The following RIPK4 variants were observed in gnomAD, a reference collection of about 807,000 sequenced individuals.
RIPK4 encodes receptor interacting serine/threonine kinase 4, also known as receptor-interacting serine/threonine-protein kinase 4.
In RIPK4, 17 loss-of-function variants were observed where a neutral mutation model predicts 42.9. The ratio of observed to expected loss-of-function variants is 0.40; its 90% CI spans 0.27 to 0.59. RIPK4 has a LOEUF of 0.59. RIPK4 is among the 20% of genes least tolerant of loss of function. RIPK4 has a pLI of 0.47. For missense variants in RIPK4, 897 were observed against 1,104.4 expected, an observed-to-expected ratio of 0.81 and a Z score of 2.66; for synonymous variants, 498 against 499.1, an observed-to-expected ratio of 1.00 and a Z score of 0.03.
chr21:41,741,165 C>T lies in RIPK4; in HGVS notation c.2028G>A (p.Leu676=). 2.5e-6 allele frequency: 4 copies of T among 1,612,682 alleles called. No individual in the cohort carries two copies. Among genetic ancestry groups the T allele is most frequent in the Non-Finnish European group, 3.4e-6 (4 of 1,179,764 alleles). ...TGGCCAGGTGTCCGTTGCGGGCAGC[C>T]AGGTGCAGAGCGGTGTAGCCGTCTG... is the stretch of plus-strand genomic sequence containing the variant. The part of the protein sequence containing the change: ...MTSDGYTALH[L]AARNGHLATV... The change falls in exon 8 of 8, where the codon CTG becomes CTA. Residue 676 remains leucine, a synonymous_variant. Transcript: ENST00000332512.
Position 41,749,158 on chromosome 21 carries a change from A to T in RIPK4, c.669T>A (p.Phe223Leu), listed in dbSNP as rs755062712. 6.2e-7 allele frequency: 1 copy of T among 1,613,900 alleles called. No homozygotes were observed. The highest frequency in any genetic ancestry group is 8.5e-7 in the Non-Finnish European group (1 of 1,179,886). ...CTCAAAGACAGGTCCACTCACCTGC[A>T]AACGGCTTCTTCTGTGTGAGCACGC... ...IWGVLTQKKP[F>L]ADEKNILHIM... Residue 223 changes from phenylalanine to leucine, a missense_variant, in exon 4 of 8, where the codon TTT (phenylalanine) becomes TTA (leucine). By Grantham distance (22) the Phe-to-Leu change is conservative. Transcript: ENST00000332512.
At chr21:41,746,565 C>T (rs2061171964) in intron 5 of RIPK4, 48 bp downstream of exon 5, 1 of 1,600,998 alleles carries the variant, frequency 6.2e-7, no homozygotes, top group Non-Finnish European at 8.5e-7. Flanking sequence ...TCACCTCTGT[C>T]TCCTGTGACA....
chr21:41,755,889 C>T lies in RIPK4; in HGVS notation c.474+636G>A, dbSNP rs1601681899. Reference sequence around the variant, plus strand: ...AACACCTGCCAAGGCCCAGAGGCAACACTGGTTTTCAGTTACATTATCTCT... The same window carrying T: ...AACACCTGCCAAGGCCCAGAGGCAATACTGGTTTTCAGTTACATTATCTCT... On this transcript the variant is annotated intron_variant, in intron 2 of 7. Coordinates refer to ENST00000332512, the MANE Select transcript of RIPK4 (RefSeq NM_020639.3). The surrounding 1 kb of genome is among the most constrained non-coding windows in gnomAD (Gnocchi z 4.2). Among the ~76,000 whole-genome samples the T allele has an allele frequency of 6.6e-6, 1 of 152,382 alleles. No homozygotes were observed. The highest frequency in any genetic ancestry group is 1.9e-4 in the East Asian group (1 of 5,194).
At chr21:41,766,813 C>T in intron 1 of RIPK4, 47 bp downstream of exon 1, 2 of 1,569,192 alleles carry the variant, frequency 1.3e-6, no homozygotes, top group Non-Finnish European at 1.7e-6. Flanking sequence ...CGACCCCGAC[C>T]CCAGCCCGGG....
chr21:41,750,010 C>T (rs916565788), intron 3 of RIPK4, among the ~76,000 whole-genome samples: 5 of 151,872 alleles, frequency 3.3e-5, no homozygotes, highest in East Asian at 3.8e-4. Context: ...TTAGTTCAAA[C>T]GGCAGGTTCA....
chr21:41,744,242 G>C (rs935483741), intron 6 of RIPK4, 102 bp from the exon 7 acceptor site: 1 of 1,153,102 alleles, frequency 8.7e-7, no homozygotes, highest in African/African-American at 1.5e-5. Flanking sequence ...ACGGGAGGGA[G>C]ATGGGGGAGG....
At chr21:41,754,229 G>C (rs1351134158) in intron 2 of RIPK4, among the ~76,000 whole-genome samples, 2 of 152,146 alleles carry the variant, frequency 1.3e-5, no homozygotes, top group Non-Finnish European at 2.9e-5. Flanking sequence ...TCGTCTTCAG[G>C]AACAAAGGCG....
chr21:41,745,636 G>A (rs2061168225), intron 6 of RIPK4, 123 bp downstream of exon 6: 1 of 707,466 alleles, frequency 1.4e-6, no homozygotes. Flanking sequence ...GTTGGGTGCG[G>A]GATGGGCTCA....
chr21:41,750,880 G>A (rs1219273987), intron 3 of RIPK4, among the ~76,000 whole-genome samples: 9 of 152,142 alleles, frequency 5.9e-5, no homozygotes, highest in Non-Finnish European at 1.3e-4. Context: ...GTTTCACCAT[G>A]TTGCCCAGGC....
rs114381485 is a variant in RIPK4, at chr21:41,765,985, A to T, written c.182+875T>A. Among the ~76,000 whole-genome samples, 683 of 152,258 alleles carry T rather than the reference A, an allele frequency of 4.5e-3. 4 individuals are homozygous for T. The highest frequency in any genetic ancestry group is 0.016 in the African/African-American group (651 of 41,558). On this transcript the variant is annotated intron_variant, in intron 1 of 7. Transcript: ENST00000332512. ...ACACGGGCGGCTCTGCGTCCTTCCC[A>T]TTCGTCTTTGTTACCTTGAACACTC...
At chr21:41,748,756 G>C (rs146899311) in intron 4 of RIPK4, among the ~76,000 whole-genome samples, 228 of 152,326 alleles carry the variant, frequency 1.5e-3, no homozygotes, top group African/African-American at 5.2e-3. Context: ...TGGTTGCTGG[G>C]GCTTGAGCAG....
Position 41,756,645 on chromosome 21 carries a change from C to A in RIPK4, c.354G>T (p.Arg118=). The change falls in exon 2 of 8, where the codon CGG becomes CGT. Residue 118 remains arginine, a synonymous_variant. Transcript: ENST00000332512. ...LASEPLPWDL[R]FRIIHETAVG... is the part of the protein sequence containing the mutation. ...CCGCCGTCTCGTGGATGATTCGGAA[C>A]CGGAGATCCCATGGCAATGGCTCCG... is the stretch of plus-strand genomic sequence containing the variant. 2 of 1,614,118 alleles carry A rather than the reference C, an allele frequency of 1.2e-6. No individual in the cohort carries two copies. Among genetic ancestry groups the A allele is most frequent in the Non-Finnish European group, 1.7e-6 (2 of 1,180,048 alleles).
rs375766519 is a variant in RIPK4, at chr21:41,741,962, C to T, written c.1231G>A (p.Val411Met). Reference sequence around the variant, plus strand: ...GTGTCCCCGGACACGATGGCATCCACAAGCTTCTTCTTCTGGACGTCTGTG... The same window carrying T: ...GTGTCCCCGGACACGATGGCATCCATAAGCTTCTTCTTCTGGACGTCTGTG... ...GTTDVQKKKL[V>M]DAIVSGDTSK... The change falls in exon 8 of 8, where the codon GTG (valine) becomes ATG (methionine). Residue 411 changes from valine (V) to methionine (M), a missense_variant. Physicochemically the swap from Val to Met is conservative, Grantham distance 21. Coordinates refer to ENST00000332512, the MANE Select transcript of RIPK4 (RefSeq NM_020639.3). 3.7e-6 allele frequency: 6 copies of T among 1,605,070 alleles called. No individual in the cohort carries two copies. Among genetic ancestry groups the T allele is most frequent in the African/African-American group, 1.3e-5 (1 of 74,788 alleles).
chr21:41,745,624 G>C (rs1569101146), intron 6 of RIPK4, 135 bp downstream of exon 6: 1 of 658,256 alleles, frequency 1.5e-6, no homozygotes, highest in Non-Finnish European at 2.7e-6. Flanking sequence ...ACTTCTAATG[G>C]AGTTGGGTGC....
At chr21:41,749,517 C>T (rs1047867723) in intron 3 of RIPK4, among the ~76,000 whole-genome samples, 1 of 152,200 alleles carries the variant, frequency 6.6e-6, no homozygotes, top group African/African-American at 2.4e-5. Flanking sequence ...CGCCTGTGTG[C>T]CTCACTGATA....
At chr21:41,758,021 A>T (rs4919942) in intron 1 of RIPK4, among the ~76,000 whole-genome samples, 1,296 of 51,016 alleles carry the variant, frequency 0.025, 10 homozygotes, top group Non-Finnish European at 0.03. Flanking sequence ...AAAAAAAAAA[A>T]ATATATATAT....
intron 2 of RIPK4, 150 bp downstream of exon 2, chr21:41,756,375 A>C: frequency 8.4e-6 from 8 of 948,152 alleles, no homozygotes; most frequent in Non-Finnish European, 1.2e-5. Context: ...TCATGCTGCA[A>C]AAGGCCTCGG....
intron 1 of RIPK4, among the ~76,000 whole-genome samples, chr21:41,765,244 G>A (rs1042477010): frequency 2.6e-5 from 4 of 152,146 alleles, no homozygotes; most frequent in African/African-American, 9.7e-5. Flanking sequence ...CTATGGAGAG[G>A]GTTCCCTTTC....
chr21:41,758,903 A>G (rs779032034), intron 1 of RIPK4, among the ~76,000 whole-genome samples: 32 of 152,184 alleles, frequency 2.1e-4, no homozygotes, highest in Admixed American at 1.0e-3. Flanking sequence ...TATTGGCATC[A>G]TGGGTCAAAA....
Sources: allele counts gnomAD v4.1 joint callset (sites outside exome capture counted in the v4.1 genomes callset), GRCh38; gene constraint gnomAD v4.1.1; non-coding constraint Gnocchi (gnomAD v3.1); transcripts MANE v1.5; gene names NCBI Gene and HGNC (gene_info 2026-07-23, HGNC 2026-07-21).